MED17: variants seen among roughly 807,000 people sequenced by gnomAD.
The protein encoded by MED17 is mediator of RNA polymerase II transcription subunit 17.
MED17 carries 49 observed loss-of-function variants against 80.8 expected under a neutral mutation model. The observed-to-expected ratio is 0.61, with a 90% CI of 0.48 to 0.77. The LOEUF (loss-of-function observed/expected upper bound fraction) is 0.77, where lower values mean the gene tolerates loss of function less well. MED17 is among the 30% of genes least tolerant of loss of function. The probability of loss-of-function intolerance (pLI) is 0.00; values close to 1 mark genes in which losing one functional copy is unlikely to be tolerated. For synonymous variants in MED17, 281 were observed against 280.4 expected, an observed-to-expected ratio of 1.00 and a Z score of -0.02; for missense variants, 718 against 787.0, an observed-to-expected ratio of 0.91 and a Z score of 1.05.
intron 8 of MED17, among the ~76,000 whole-genome samples, chr11:93,799,395 C>T (rs909265910): frequency 2.0e-5 from 3 of 152,100 alleles, no homozygotes; most frequent in African/African-American, 7.2e-5. Flanking sequence ...AGGCTGGTCC[C>T]GAACTCCTGA....
chr11:93,793,112 C>CCCTTTTTTTTTTTTTTT (rs1333532314), intron 3 of MED17: 3 of 21,032 alleles, frequency 1.4e-4, no homozygotes, highest in African/African-American at 1.7e-4. Flanking sequence ...AGGAGTACAC[C>CCCTTTTTTTTTTTTTTT]TCTTTTTTTT....
chr11:93,792,758 A>G (rs2135712362), intron 3 of MED17, among the ~76,000 whole-genome samples: 1 of 152,198 alleles, frequency 6.6e-6, no homozygotes, highest in Middle Eastern at 3.4e-3. Flanking sequence ...ACTGAACAAC[A>G]TAGACCCTAT....
At chr11:93,792,810 A>G (rs1215517591) in intron 3 of MED17, among the ~76,000 whole-genome samples, 4 of 152,074 alleles carry the variant, frequency 2.6e-5, no homozygotes, top group East Asian at 1.9e-4. Context: ...GTGTGATGGC[A>G]TGTACCTGCA....
At position 93,813,332 on chromosome 11, in the gene MED17, G is replaced by C. The variant is rs903625248; in HGVS notation, c.*1268G>C. On this transcript the variant is annotated 3_prime_UTR_variant, in exon 12 of 12. Coordinates refer to ENST00000251871, the MANE Select transcript of MED17 (RefSeq NM_004268.5). ...AAGAAAAATGGAGCTTGTGGGCCAC[G>C]ATAGAACAACTTTGTGCTTTTTTCC... 3 of 152,170 alleles carry C rather than the reference G, an allele frequency of 2.0e-5. No individual in the cohort carries two copies. Among genetic ancestry groups the C allele is most frequent in the Non-Finnish European group, 4.4e-5 (3 of 68,028 alleles). 9.4% of individuals were successfully genotyped at this position (152,170 alleles called of 1,614,324 possible). A position where few individuals can be genotyped will look rare whatever the true frequency, so the allele number is the denominator to read the frequency against.
At position 93,784,484 on chromosome 11, in the gene MED17, G is replaced by A. The variant is rs776943883; in HGVS notation, c.-30G>A. 5.1e-6 allele frequency: 8 copies of A among 1,581,846 alleles called. No homozygotes were observed. The Admixed American group carries it at 5.1e-5, about 10-fold the overall frequency. On this transcript the variant is annotated 5_prime_UTR_variant, in exon 1 of 12. Transcript: ENST00000251871. ...TACCTCGTTTTTTGGCTCGTGGGGG[G>A]TCCTCCCACCGCTGGCCGACGCAGC... is the stretch of plus-strand genomic sequence containing the variant.
chr11:93,812,232 C>T lies in MED17; in HGVS notation c.*168C>T, dbSNP rs1944092065. 1 of 662,602 alleles carries T rather than the reference C, an allele frequency of 1.5e-6. No homozygotes were observed. The highest frequency in any genetic ancestry group is 2.6e-6 in the Non-Finnish European group (1 of 381,518). 41.0% of individuals were successfully genotyped at this position (662,602 alleles called of 1,614,324 possible). On this transcript the variant is annotated 3_prime_UTR_variant, in exon 12 of 12. Transcript: ENST00000251871. The stretch of plus-strand genomic sequence containing the variant: ...TTCAAACTTTTCACTTTATAAATGA[C>T]AAGTGCTTTGAAATGCAGAAGTTTA...
At chr11:93,804,708 A>G (rs1279961614) in intron 9 of MED17, among the ~76,000 whole-genome samples, 1 of 152,216 alleles carries the variant, frequency 6.6e-6, no homozygotes, top group Non-Finnish European at 1.5e-5. Flanking sequence ...CACCATTTTA[A>G]AGTGGACACA....
In MED17 at chr11:93,784,322, T is replaced by C. The variant is rs1340645076; in HGVS notation, c.-192T>C. ...GACTTACCGAGGAGGGAGCTTGCGG[T>C]GCGTTCTGGGAAAGTTGCTGGGCCA... On this transcript the variant is annotated 5_prime_UTR_variant, in exon 1 of 12. Transcript: ENST00000251871. 2.8e-6 allele frequency: 2 copies of C among 708,884 alleles called. No individual in the cohort carries two copies. The highest frequency in any genetic ancestry group is 4.5e-6 in the Non-Finnish European group (2 of 449,000). 43.9% of individuals were successfully genotyped at this position (708,884 alleles called of 1,614,324 possible). A position where few individuals can be genotyped will look rare whatever the true frequency, so the allele number is the denominator to read the frequency against.
intron 6 of MED17, chr11:93,795,290 T>C (rs1943887881): frequency 1.7e-6 from 1 of 584,442 alleles, no homozygotes; most frequent in Non-Finnish European, 3.0e-6. Context: ...AATTTGCACT[T>C]ATGTAGTCAT....
chr11:93,795,184 T>C, intron 6 of MED17, 124 bp downstream of exon 6: 1 of 1,056,668 alleles, frequency 9.5e-7, no homozygotes, highest in Non-Finnish European at 1.5e-6. Context: ...GTGCTATCCA[T>C]AGTGACAGCC....
chr11:93,792,914 C>G lies in MED17; in HGVS notation c.638-814C>G, dbSNP rs549902609. On this transcript the variant is annotated intron_variant, in intron 3 of 11. Coordinates refer to ENST00000251871, the MANE Select transcript of MED17 (RefSeq NM_004268.5). ...TATGATTACACCACCACACTGCAGC[C>G]TGGAAGACAGAGGGAGACCTTGTCT... Among the ~76,000 whole-genome samples the G allele has an allele frequency of 3.8e-3, 572 of 151,894 alleles. 10 individuals are homozygous for G. Among genetic ancestry groups the G allele is most frequent in the African/African-American group, 0.013 (546 of 41,444 alleles).
At position 93,813,900 on chromosome 11, in the gene MED17, T is replaced by A. The variant is rs1944109223; in HGVS notation, c.*1836T>A. ...GACCGTCTAATTTTTGTAATTTTGATAAGAGGGTTTTGCCATCTTGGCCAG... is the reference window on the plus strand; with the variant it reads ...GACCGTCTAATTTTTGTAATTTTGAAAAGAGGGTTTTGCCATCTTGGCCAG... On this transcript the variant is annotated 3_prime_UTR_variant, in exon 12 of 12. Transcript: ENST00000251871. 1 of 152,156 alleles carries A rather than the reference T, an allele frequency of 6.6e-6. No homozygotes were observed. Among genetic ancestry groups the A allele is most frequent in the Non-Finnish European group, 1.5e-5 (1 of 68,052 alleles). 9.4% of individuals were successfully genotyped at this position (152,156 alleles called of 1,614,324 possible). A position where few individuals can be genotyped will look rare whatever the true frequency, so the allele number is the denominator to read the frequency against.
At chr11:93,789,679 A>G (rs1240153312) in intron 2 of MED17, 2 of 151,950 alleles carry the variant, frequency 1.3e-5, no homozygotes, top group African/African-American at 4.8e-5. Context: ...TACATTTAAT[A>G]TTAACAATGG....
chr11:93,801,923 T>A lies in MED17; in HGVS notation c.1417T>A (p.Ser473Thr). 1 of 1,613,146 alleles carries A rather than the reference T, an allele frequency of 6.2e-7. No individual in the cohort carries two copies. Residue 473 changes from serine (S) to threonine (T), a missense_variant, in exon 9 of 12, where the codon TCT becomes ACT. By Grantham distance (58) the Ser-to-Thr change is moderately conservative (BLOSUM62 1). Coordinates refer to ENST00000251871, the MANE Select transcript of MED17 (RefSeq NM_004268.5). ...GTCAAATATCAATGATGTTTATGAA[T>A]CTAGTGTGAAAGTTTTAATCACATC... ...HWSNINDVYE[S>T]SVKVLITSQG...
At chr11:93,800,457 C>T (rs964685883) in intron 8 of MED17, among the ~76,000 whole-genome samples, 3 of 151,958 alleles carry the variant, frequency 2.0e-5, no homozygotes, top group Admixed American at 6.6e-5. Context: ...GGCGAAACCT[C>T]GTTTCTACTA....
chr11:93,788,219 AC>A, intron 2 of MED17, 52 bp downstream of exon 2: 1 of 1,515,380 alleles, frequency 6.6e-7, no homozygotes, highest in Non-Finnish European at 9.0e-7. Context: ...AAATCCCAGG[AC>A]CCTTTTTTGG....
Position 93,793,780 on chromosome 11 carries a change from C to T in MED17, c.690C>T (p.Leu230=), listed in dbSNP as rs116727804. ...GTFEVIKNTD[L]DLDKKIPEDY... ...TTGAAGTAATAAAGAATACAGATCTCGATCTGGATAAAAAGATACCTGAAG... is the reference window on the plus strand; with the variant it reads ...TTGAAGTAATAAAGAATACAGATCTTGATCTGGATAAAAAGATACCTGAAG... Residue 230 remains leucine (L), a synonymous_variant, in exon 4 of 12, where the codon CTC becomes CTT. Transcript: ENST00000251871. 7.9e-4 allele frequency: 1,264 copies of T among 1,593,610 alleles called. 8 individuals carry two copies. The African/African-American group carries it at 0.015, about 19-fold the overall frequency.
chr11:93,812,552 T>G lies in MED17; in HGVS notation c.*488T>G, dbSNP rs1435361881. On this transcript the variant is annotated 3_prime_UTR_variant, in exon 12 of 12. Transcript: ENST00000251871. Reference sequence around the variant, plus strand: ...CTCCCAGGCTTAGGTGATCCTTCTGTCTCAGCCTTCCGAGTAGCTGGGACC... The same window carrying G: ...CTCCCAGGCTTAGGTGATCCTTCTGGCTCAGCCTTCCGAGTAGCTGGGACC... 5.6e-6 allele frequency: 1 copy of G among 180,028 alleles called. No homozygotes were observed. The highest frequency in any genetic ancestry group is 2.4e-5 in the African/African-American group (1 of 42,276). The allele number at this position is 180,028 out of a possible 1,614,324, so 11.2% of individuals were successfully genotyped here. A position where few individuals can be genotyped will look rare whatever the true frequency, so the allele number is the denominator to read the frequency against.
chr11:93,793,643 G>A (rs969008359), intron 3 of MED17, 85 bp from the exon 4 acceptor site: 10 of 1,007,692 alleles, frequency 9.9e-6, no homozygotes, highest in Middle Eastern at 3.1e-4. Context: ...CAGTGATGTG[G>A]ATGTGAAGTA....
Sources: gnomAD v4.1 joint callset for allele counts (sites outside exome capture counted in the v4.1 genomes callset) on GRCh38, gnomAD v4.1.1 for gene constraint, MANE v1.5 for transcripts, NCBI Gene and HGNC (gene_info 2026-07-23, HGNC 2026-07-21) for gene names.